SNAP91: variants seen among roughly 807,000 people sequenced by gnomAD.
SNAP91 encodes the protein synaptosome associated protein 91, also known as clathrin coat assembly protein AP180.
In SNAP91, 27 loss-of-function variants were observed where a neutral mutation model predicts 100.3. The observed-to-expected ratio is 0.27, with a 90% confidence interval of 0.20 to 0.37. The LOEUF is 0.37. SNAP91 is among the 10% of genes least tolerant of loss of function. The probability of loss-of-function intolerance (pLI) is 1.00; values close to 1 mark genes in which losing one functional copy is unlikely to be tolerated. For missense variants in SNAP91, 986 were observed against 1,123.7 expected, an observed-to-expected ratio of 0.88 and a Z score of 1.75; for synonymous variants, 404 against 398.6, an observed-to-expected ratio of 1.01 and a Z score of -0.16.
intron 2 of SNAP91, among the ~76,000 whole-genome samples, chr6:83,688,886 GTTA>G (rs1484732394): frequency 1.3e-5 from 2 of 152,278 alleles, no homozygotes; most frequent in East Asian, 3.9e-4. Flanking sequence ...ATAATGGCAT[GTTA>G]TTATTAGTTT....
intron 8 of SNAP91, among the ~76,000 whole-genome samples, chr6:83,625,075 T>C (rs1207069002): frequency 2.6e-5 from 4 of 152,130 alleles, no homozygotes; most frequent in Middle Eastern, 6.8e-3. Flanking sequence ...CCCCAGTGTC[T>C]ACTGTTCTCA....
At chr6:83,577,915 C>T (rs943767188) in intron 24 of SNAP91, among the ~76,000 whole-genome samples, 2 of 152,118 alleles carry the variant, frequency 1.3e-5, no homozygotes, top group Non-Finnish European at 2.9e-5. Context: ...CAATCTACTT[C>T]CTGTCTGTAT....
intron 24 of SNAP91, among the ~76,000 whole-genome samples, chr6:83,576,611 G>A (rs1001273992): frequency 6.6e-5 from 10 of 152,212 alleles, no homozygotes; most frequent in African/African-American, 1.4e-4. Context: ...GTTGCTGGGT[G>A]AAGAGTGTGT....
At chr6:83,707,688 C>T (rs1324878531) in intron 2 of SNAP91, 110 bp downstream of exon 2, 1 of 1,418,404 alleles carries the variant, frequency 7.1e-7, no homozygotes, top group African/African-American at 1.5e-5. Context: ...GGCAACCTGG[C>T]TGGGAGTATC....
At chr6:83,655,204 C>T (rs1467811333) in intron 7 of SNAP91, among the ~76,000 whole-genome samples, 2 of 152,124 alleles carry the variant, frequency 1.3e-5, no homozygotes, top group Non-Finnish European at 1.5e-5. Context: ...AAATCCTTGC[C>T]GTGTAAAAGA....
chr6:83,658,651 A>G lies in SNAP91; in HGVS notation c.546+348T>C, dbSNP rs2098464802. Among the ~76,000 whole-genome samples the G allele has an allele frequency of 2.0e-5, 3 of 152,280 alleles. No homozygotes were observed. In the South Asian group the frequency reaches 6.2e-4, roughly 32 times the overall value. ...CAAAATAAAATAAAATAAAAAATAA[A>G]AAAGATTTCTAACAGCAGGTCAAGT... On this transcript the variant is annotated intron_variant, in intron 6 of 29. Transcript: ENST00000369694.
intron 26 of SNAP91, among the ~76,000 whole-genome samples, chr6:83,572,234 G>A (rs952730624): frequency 3.2e-4 from 48 of 152,056 alleles, no homozygotes; most frequent in Admixed American, 1.7e-3. Flanking sequence ...CCCTAACTCA[G>A]GCTCTAAACG....
intron 4 of SNAP91, among the ~76,000 whole-genome samples, chr6:83,661,834 T>C (rs2128743372): frequency 6.6e-6 from 1 of 152,348 alleles, no homozygotes; most frequent in East Asian, 1.9e-4. Context: ...ACAGAATATG[T>C]TTTTAAATTT....
At position 83,619,114 on chromosome 6, in the gene SNAP91, A is replaced by AC. The variant is rs3839442; in HGVS notation, c.808-2076_808-2075insG. Among the ~76,000 whole-genome samples the AC allele has an allele frequency of 1.0e-4, 5 of 48,064 alleles. No homozygotes were observed. In the East Asian group the frequency reaches 2.0e-3, roughly 20 times the overall value. 31.5% of individuals were successfully genotyped at this position (48,064 alleles called of 152,430 possible). ...AATTGAAAAAATAAGTAGAAGTCAC[A>AC]AAAAAAAAATCACAATAGCTGAAAG... On this transcript the variant is annotated intron_variant, in intron 9 of 29. Coordinates refer to ENST00000369694, the MANE Select transcript of SNAP91 (RefSeq NM_001242792.2).
intron 2 of SNAP91, chr6:83,685,957 TTTTG>T (rs1171274205): frequency 2.6e-5 from 4 of 155,702 alleles, no homozygotes; most frequent in African/African-American, 9.6e-5. Context: ...TGACTTACCT[TTTTG>T]TTTATTTCTT....
rs1267931534 is a variant in SNAP91, at chr6:83,585,845, TTTTC to T, written c.2015-3493_2015-3490del. 3.0e-3 allele frequency among the ~76,000 whole-genome samples: 462 copies of T among 151,794 alleles called. 1 individual carries two copies. Among genetic ancestry groups the T allele is most frequent in the African/African-American group, 9.4e-3 (390 of 41,428 alleles). ...TTTCAGTTGCAGGAGTACAATTTTTTTTTCTTTCTTTTTTTTTTTTTTTTGAGAT... is the reference window on the plus strand; with the variant it reads ...TTTCAGTTGCAGGAGTACAATTTTTTTTTCTTTTTTTTTTTTTTTTGAGAT... On this transcript the variant is annotated intron_variant, in intron 22 of 29. Coordinates refer to ENST00000369694, the MANE Select transcript of SNAP91 (RefSeq NM_001242792.2).
At chr6:83,682,172 C>CTTTTTTTT (rs59549595) in intron 2 of SNAP91, among the ~76,000 whole-genome samples, 2 of 123,498 alleles carry the variant, frequency 1.6e-5, no homozygotes, top group Non-Finnish European at 1.6e-5. Flanking sequence ...TTCTTTAATT[C>CTTTTTTTT]TTTTTTTTTT....
chr6:83,690,314 T>C, intron 2 of SNAP91: 2 of 1,254,642 alleles, frequency 1.6e-6, no homozygotes, highest in Non-Finnish European at 2.1e-6. Flanking sequence ...TATTTCTCCT[T>C]TAGCACAACT....
Position 83,605,756 on chromosome 6 carries a change from GAA to G in SNAP91, c.1068_1069del (p.Ser357LeufsTer40). On this transcript the variant is annotated frameshift_variant, in exon 14 of 30. Transcript: ENST00000369694. LOFTEE classifies it high-confidence loss of function. ...TGCGGCTGCTGCTGCCCCTCCAGAGGAAAAGTCTGGCTGGAGGTCCAGGAGAT... is the reference window on the plus strand; with the variant it reads ...TGCGGCTGCTGCTGCCCCTCCAGAGGAAGTCTGGCTGGAGGTCCAGGAGAT... 1 of 1,553,380 alleles carries G rather than the reference GAA, an allele frequency of 6.4e-7. No homozygotes were observed. Among genetic ancestry groups the G allele is most frequent in the Non-Finnish European group, 8.7e-7 (1 of 1,147,962 alleles).
At chr6:83,567,177 A>G (rs1211343584) in intron 26 of SNAP91, among the ~76,000 whole-genome samples, 1 of 152,066 alleles carries the variant, frequency 6.6e-6, no homozygotes, top group Non-Finnish European at 1.5e-5. Context: ...GCCTCAAGTG[A>G]TCCCCCCGCC....
chr6:83,572,306 G>A (rs1302738030), intron 26 of SNAP91, among the ~76,000 whole-genome samples: 1 of 152,096 alleles, frequency 6.6e-6, no homozygotes, highest in African/African-American at 2.4e-5. Context: ...GAGTGTAGTA[G>A]CACAATCTCG....
At chr6:83,594,059 G>A (rs1231583627) in intron 17 of SNAP91, among the ~76,000 whole-genome samples, 6 of 151,894 alleles carry the variant, frequency 4.0e-5, no homozygotes, top group African/African-American at 1.5e-4. Flanking sequence ...TGGTAGCTTT[G>A]AAAATTCATT....
intron 7 of SNAP91, among the ~76,000 whole-genome samples, chr6:83,654,242 T>C (rs1382097529): frequency 1.3e-5 from 2 of 152,300 alleles, no homozygotes; most frequent in East Asian, 3.9e-4. Flanking sequence ...CGTGAGTCTC[T>C]GTTCCAGTAA....
chr6:83,598,357 C>T (rs1046258356), intron 16 of SNAP91, among the ~76,000 whole-genome samples: 1 of 152,124 alleles, frequency 6.6e-6, no homozygotes, highest in Non-Finnish European at 1.5e-5. Flanking sequence ...TAATGACTTA[C>T]ATGAACTACC....
Sources: allele counts gnomAD v4.1 joint callset (sites outside exome capture counted in the v4.1 genomes callset), GRCh38; gene constraint gnomAD v4.1.1; transcripts MANE v1.5; gene names NCBI Gene and HGNC (gene_info 2026-07-23, HGNC 2026-07-21).